FOCAD: variants seen among roughly 807,000 people sequenced by gnomAD.
FOCAD encodes KIAA1797.
In FOCAD, 198 loss-of-function variants were observed where a neutral mutation model predicts 225.6. The observed-to-expected ratio is 0.88, with a 90% CI of 0.78 to 0.99. The LOEUF is 0.99. Among genes scored for constraint, FOCAD ranks in the 50% least tolerant of loss-of-function variants. The probability of loss-of-function intolerance (pLI) is 0.00; values close to 1 mark genes in which losing one functional copy is unlikely to be tolerated. For missense variants in FOCAD, 2,713 were observed against 2,123.6 expected (o/e 1.28, Z -5.46); for synonymous variants, 897 against 755.0 (o/e 1.19, Z -3.08).
At chr9:20,850,272 C>G (rs539551060) in intron 15 of FOCAD, among the ~76,000 whole-genome samples, 22 of 151,604 alleles carry the variant, frequency 1.5e-4, no homozygotes, top group African/African-American at 5.3e-4. Flanking sequence ...AATAGAAATA[C>G]AATTTCTTTT....
chr9:20,923,845 T>A, intron 25 of FOCAD, 77 bp downstream of exon 25: 2 of 1,085,666 alleles, frequency 1.8e-6, no homozygotes, highest in Non-Finnish European at 2.8e-6. Flanking sequence ...GGCCCTGGGC[T>A]TACAAGGTTA....
intron 27 of FOCAD, among the ~76,000 whole-genome samples, chr9:20,932,786 G>A (rs1404999008): frequency 6.6e-6 from 1 of 152,054 alleles, no homozygotes. Flanking sequence ...GTGTTTATTG[G>A]TTTGCAAGTG....
chr9:20,741,207 T>C (rs1022625114), intron 5 of FOCAD, among the ~76,000 whole-genome samples: 28 of 152,214 alleles, frequency 1.8e-4, no homozygotes, highest in Admixed American at 2.0e-4. Flanking sequence ...CACCACTGAA[T>C]TGATCTTACA....
At chr9:20,949,074 T>C in intron 32 of FOCAD, 146 bp downstream of exon 32, 1 of 664,104 alleles carries the variant, frequency 1.5e-6, no homozygotes, top group Non-Finnish European at 2.6e-6. Context: ...TGCCTTGCTG[T>C]ATGAATAATT....
chr9:20,700,201 G>C (rs1256172527), intron 1 of FOCAD, among the ~76,000 whole-genome samples: 1 of 151,880 alleles, frequency 6.6e-6, no homozygotes, highest in Non-Finnish European at 1.5e-5. Context: ...ACACAGAGGT[G>C]ATACTGTGGG....
Position 20,987,086 on chromosome 9 carries a change from T to C in FOCAD, c.4906+621T>C, listed in dbSNP as rs574685486. Among the ~76,000 whole-genome samples, 22 of 152,352 alleles carry C rather than the reference T, an allele frequency of 1.4e-4. 1 individual carries two copies. Among genetic ancestry groups the C allele is most frequent in the African/African-American group, 3.4e-4 (14 of 41,586 alleles). On this transcript the variant is annotated intron_variant, in intron 40 of 43. Coordinates refer to ENST00000338382, the MANE Select transcript of FOCAD (RefSeq NM_001375567.1). ...CTGGAGACTACATTCAAGTTCTGAA[T>C]GGCACCAGGCTCCTGAGGGGTAGAT...
At chr9:20,915,611 A>G (rs1833803359) in intron 23 of FOCAD, among the ~76,000 whole-genome samples, 1 of 152,192 alleles carries the variant, frequency 6.6e-6, no homozygotes, top group Non-Finnish European at 1.5e-5. Flanking sequence ...GTGGAAGGAA[A>G]TAACGAGAGT....
chr9:20,708,179 C>G (rs1824545810), intron 1 of FOCAD, among the ~76,000 whole-genome samples: 1 of 152,082 alleles, frequency 6.6e-6, no homozygotes, highest in Admixed American at 6.5e-5. Context: ...TAGTGCCCAT[C>G]AGCTTTTCTA....
intron 1 of FOCAD, among the ~76,000 whole-genome samples, chr9:20,688,820 A>C (rs1822809158): frequency 6.6e-6 from 1 of 152,212 alleles, no homozygotes; most frequent in African/African-American, 2.4e-5. Context: ...AGTTTTTGGA[A>C]GGTTTCCCAG....
At chr9:20,682,615 GA>G (rs1211883779), upstream of FOCAD, among the ~76,000 whole-genome samples, 6 of 151,950 alleles carry the variant, frequency 3.9e-5, no homozygotes, top group African/African-American at 1.5e-4. Flanking sequence ...AGGAATAGAA[GA>G]AAAAATATTA....
chr9:20,959,228 A>G (rs1031048806), intron 35 of FOCAD, among the ~76,000 whole-genome samples: 1 of 152,142 alleles, frequency 6.6e-6, no homozygotes, highest in African/African-American at 2.4e-5. Context: ...GTTTTTAATA[A>G]TAGCCATCCT....
intron 15 of FOCAD, among the ~76,000 whole-genome samples, chr9:20,840,833 T>A (rs1826449447): frequency 6.6e-6 from 1 of 152,062 alleles, no homozygotes; most frequent in Non-Finnish European, 1.5e-5. Context: ...CTTTCCCTCA[T>A]TTAATGTAAT....
chr9:20,727,432 A>G (rs1826293045), intron 4 of FOCAD, among the ~76,000 whole-genome samples: 1 of 152,212 alleles, frequency 6.6e-6, no homozygotes, highest in South Asian at 2.1e-4. Context: ...AATGCTTCAG[A>G]AGAAATCAGG....
intron 30 of FOCAD, 42 bp downstream of exon 30, chr9:20,946,862 T>C: frequency 3.7e-6 from 6 of 1,607,104 alleles, no homozygotes; most frequent in Non-Finnish European, 5.1e-6. Flanking sequence ...GTGGGTCTCA[T>C]GCTGCTGCTA....
At chr9:20,861,600 T>C (rs1326613920) in intron 15 of FOCAD, among the ~76,000 whole-genome samples, 1 of 152,236 alleles carries the variant, frequency 6.6e-6, no homozygotes, top group Non-Finnish European at 1.5e-5. Flanking sequence ...TTGAGCCTCT[T>C]CTTAATCTGT....
rs754449847 is a variant in FOCAD at position 20,720,419 on chromosome 9, G to A, written c.172G>A (p.Asp58Asn). Residue 58 changes from aspartate to asparagine, a missense_variant, in exon 4 of 44, where the codon GAC becomes AAC. Physicochemically the swap from Asp to Asn is conservative, Grantham distance 23. Transcript: ENST00000338382. ...LNLLWEKCCS[D>N]NVVVRTACCE... ...CTTGCTGTGGGAGAAGTGTTGCAGT[G>A]ACAATGTAGTGGTTCGAACAGCCTG... 3.1e-6 allele frequency: 5 copies of A among 1,614,136 alleles called. No homozygotes were observed. The Admixed American group carries it at 8.3e-5, about 27-fold the overall frequency.
chr9:20,924,850 CCAGTG>C (rs1439663044), intron 25 of FOCAD, among the ~76,000 whole-genome samples: 2 of 152,166 alleles, frequency 1.3e-5, no homozygotes, highest in African/African-American at 4.8e-5. Flanking sequence ...CAGACCACCT[CCAGTG>C]GGCCAGAACA....
intron 15 of FOCAD, among the ~76,000 whole-genome samples, chr9:20,826,140 C>T (rs971629899): frequency 6.6e-6 from 1 of 151,998 alleles, no homozygotes; most frequent in Admixed American, 6.6e-5. Flanking sequence ...TTGAAGGATG[C>T]AGAGTATTGT....
intron 15 of FOCAD, 25 bp from the exon 16 acceptor site, chr9:20,862,550 GTGT>G (rs758982023): frequency 3.7e-6 from 6 of 1,609,698 alleles, no homozygotes; most frequent in Non-Finnish European, 5.1e-6. Flanking sequence ...GTCTTGTTAG[GTGT>G]TGACCTTTTC....
Sources: gnomAD v4.1 joint callset for allele counts (sites outside exome capture counted in the v4.1 genomes callset) on GRCh38, gnomAD v4.1.1 for gene constraint, MANE v1.5 for transcripts, NCBI Gene and HGNC (gene_info 2026-07-23, HGNC 2026-07-21) for gene names.